MAPKAP1: variants seen among roughly 807,000 people sequenced by gnomAD.
The protein encoded by MAPKAP1 is target of rapamycin complex 2 subunit MAPKAP1.
A neutral mutation model predicts 65.7 loss-of-function variants in MAPKAP1; 20 were observed. That is an observed-to-expected ratio of 0.30 (90% CI 0.21 to 0.44). MAPKAP1 has a LOEUF of 0.44. MAPKAP1 is among the 20% of genes least tolerant of loss of function. The pLI is 1.00. For missense variants in MAPKAP1, 423 were observed against 648.0 expected, an observed-to-expected ratio of 0.65 and a Z score of 3.77; for synonymous variants, 222 against 244.3, an observed-to-expected ratio of 0.91 and a Z score of 0.85.
At chr9:125,564,135 T>G (rs767435229) in intron 5 of MAPKAP1, among the ~76,000 whole-genome samples, 1 of 152,338 alleles carries the variant, frequency 6.6e-6, no homozygotes, top group East Asian at 1.9e-4. Context: ...GCAATGCACA[T>G]GTGTCAAAGA....
intron 4 of MAPKAP1, among the ~76,000 whole-genome samples, chr9:125,616,755 G>A (rs540995352): frequency 6.6e-6 from 1 of 152,302 alleles, no homozygotes. Flanking sequence ...TTGTAAGACA[G>A]TTTGGCATTA....
intron 4 of MAPKAP1, among the ~76,000 whole-genome samples, chr9:125,606,175 A>C (rs747401352): frequency 9.9e-5 from 15 of 152,172 alleles, no homozygotes; most frequent in Non-Finnish European, 1.9e-4. Flanking sequence ...TGGTCTCCTA[A>C]TCTTTTAAAC....
chr9:125,670,125 T>C (rs1055818201), intron 2 of MAPKAP1, among the ~76,000 whole-genome samples: 1 of 152,128 alleles, frequency 6.6e-6, no homozygotes, highest in Non-Finnish European at 1.5e-5. Context: ...AAAACACTAA[T>C]AGAGATCATA....
chr9:125,590,342 A>T (rs1038630455), intron 4 of MAPKAP1, among the ~76,000 whole-genome samples: 5 of 152,056 alleles, frequency 3.3e-5, no homozygotes, highest in Admixed American at 2.0e-4. Flanking sequence ...AATAATACTG[A>T]CTATTGTAAC....
At chr9:125,677,574 T>C (rs967298604) in intron 1 of MAPKAP1, among the ~76,000 whole-genome samples, 2 of 152,076 alleles carry the variant, frequency 1.3e-5, no homozygotes, top group Non-Finnish European at 2.9e-5. Flanking sequence ...TGCGTACCTA[T>C]AGTGTCAGCT....
intron 3 of MAPKAP1, among the ~76,000 whole-genome samples, chr9:125,662,649 C>T (rs1834221346): frequency 6.6e-6 from 1 of 151,976 alleles, no homozygotes; most frequent in African/African-American, 2.4e-5. Context: ...TGCCACTGCA[C>T]TCCAGCCTGG....
intron 8 of MAPKAP1, among the ~76,000 whole-genome samples, chr9:125,487,257 T>C (rs1471274341): frequency 6.6e-6 from 1 of 152,196 alleles, no homozygotes; most frequent in Non-Finnish European, 1.5e-5. Flanking sequence ...AGAGATGCCA[T>C]GATCCTGATT....
chr9:125,554,384 G>GA (rs1336278820), intron 6 of MAPKAP1, among the ~76,000 whole-genome samples: 1 of 152,192 alleles, frequency 6.6e-6, no homozygotes, highest in Admixed American at 6.5e-5. Context: ...GAAGGGGTTG[G>GA]AGGTGAGCAT....
chr9:125,569,083 T>A (rs1589295415), intron 5 of MAPKAP1, among the ~76,000 whole-genome samples: 1 of 152,174 alleles, frequency 6.6e-6, no homozygotes, highest in Non-Finnish European at 1.5e-5. Flanking sequence ...AGCCCACTTT[T>A]CCAGACAAGC....
At chr9:125,506,530 G>A (rs974630578) in intron 7 of MAPKAP1, 113 bp from the exon 8 acceptor site, 1 of 887,214 alleles carries the variant, frequency 1.1e-6, no homozygotes, top group Non-Finnish European at 1.8e-6. Context: ...AAGTGTTAAA[G>A]TCTGTCTTGA....
chr9:125,695,864 G>C, intron 1 of MAPKAP1, among the ~76,000 whole-genome samples: 1 of 152,004 alleles, frequency 6.6e-6, no homozygotes, highest in Non-Finnish European at 1.5e-5. Flanking sequence ...GAGTAGCTGG[G>C]ATTATAGGCA....
At chr9:125,608,672 T>C (rs1832509291) in intron 4 of MAPKAP1, among the ~76,000 whole-genome samples, 1 of 152,208 alleles carries the variant, frequency 6.6e-6, no homozygotes, top group African/African-American at 2.4e-5. Context: ...AGCCACTGCT[T>C]TTCCGACGCC....
At chr9:125,554,052 C>T (rs937958358) in intron 6 of MAPKAP1, among the ~76,000 whole-genome samples, 5 of 152,048 alleles carry the variant, frequency 3.3e-5, no homozygotes, top group Non-Finnish European at 7.4e-5. Flanking sequence ...AAAAGTTTGC[C>T]AACCCTAGGA....
chr9:125,655,189 GA>G (rs1405591236), intron 4 of MAPKAP1, among the ~76,000 whole-genome samples: 2 of 151,934 alleles, frequency 1.3e-5, no homozygotes, highest in Non-Finnish European at 2.9e-5. Flanking sequence ...CCAATGACAA[GA>G]CAGTGAATCA....
chr9:125,459,660 C>T (rs1038032236), intron 10 of MAPKAP1, among the ~76,000 whole-genome samples: 2 of 152,224 alleles, frequency 1.3e-5, no homozygotes, highest in East Asian at 1.9e-4. Flanking sequence ...GAAAAAAATA[C>T]GAAAGCCAGT....
chr9:125,644,097 A>T (rs1370499720), intron 4 of MAPKAP1, among the ~76,000 whole-genome samples: 1 of 152,244 alleles, frequency 6.6e-6, no homozygotes, highest in Non-Finnish European at 1.5e-5. Flanking sequence ...AAAAGAGGTT[A>T]AGAGGGGAAT....
At chr9:125,585,768 A>G (rs1414256121) in intron 4 of MAPKAP1, 41 bp from the exon 5 acceptor site, 1 of 1,593,548 alleles carries the variant, frequency 6.3e-7, no homozygotes, top group Non-Finnish European at 8.6e-7. Context: ...GCACACTGCC[A>G]GTTATACAGA....
chr9:125,438,825 G>A lies in MAPKAP1; in HGVS notation c.*62C>T. ...ACTTCAGGACACCGGGTGGACTCTA[G>A]GGCACTTGGCCCTGGCAGGCAGGCT... On this transcript the variant is annotated 3_prime_UTR_variant, in exon 12 of 12. Transcript: ENST00000265960. 6.2e-7 allele frequency: 1 copy of A among 1,608,274 alleles called. No homozygotes were observed. Among genetic ancestry groups the A allele is most frequent in the Non-Finnish European group, 8.5e-7 (1 of 1,176,824 alleles).
intron 8 of MAPKAP1, among the ~76,000 whole-genome samples, chr9:125,488,625 C>A (rs904031025): frequency 1.4e-4 from 21 of 152,162 alleles, no homozygotes; most frequent in African/African-American, 4.8e-4. Flanking sequence ...GGATTACAGG[C>A]GTGAGCCACC....
Sources: allele counts gnomAD v4.1 joint callset (sites outside exome capture counted in the v4.1 genomes callset), GRCh38; gene constraint gnomAD v4.1.1; transcripts MANE v1.5; gene names NCBI Gene and HGNC (gene_info 2026-07-23, HGNC 2026-07-21).